ISM1: variants seen among roughly 807,000 people sequenced by gnomAD.
ISM1 encodes the protein isthmin-1.
ISM1 carries 25 observed loss-of-function variants against 46.3 expected under a neutral mutation model. That is an observed-to-expected ratio of 0.54 (90% CI 0.39 to 0.75). The LOEUF is 0.75. Among genes scored for constraint, ISM1 ranks in the 30% least tolerant of loss-of-function variants. The pLI is 0.00. For synonymous variants in ISM1, 255 were observed against 256.7 expected, an observed-to-expected ratio of 0.99 and a Z score of 0.06; for missense variants, 536 against 625.4, an observed-to-expected ratio of 0.86 and a Z score of 1.52.
In ISM1 at chr20:13,228,653, A is replaced by T. The variant is rs183451456; in HGVS notation, c.138+6739A>T. 8.2e-4 allele frequency among the ~76,000 whole-genome samples: 125 copies of T among 152,262 alleles called. 1 individual carries two copies. The highest frequency in any genetic ancestry group is 2.9e-3 in the African/African-American group (119 of 41,552). ...GCTTTAGCTGTTAGTCCTGTTCAGC[A>T]TATGGTGGACCCTTTCATTCTGAAG... On this transcript the variant is annotated intron_variant, in intron 1 of 5. Coordinates refer to ENST00000262487, the MANE Select transcript of ISM1 (RefSeq NM_080826.2).
chr20:13,314,910 G>C, the ISM1 span, among the ~76,000 whole-genome samples: 1 of 152,044 alleles, frequency 6.6e-6, no homozygotes, highest in Non-Finnish European at 1.5e-5. Context: ...GGAAGAATTA[G>C]AATTATTATA....
chr20:13,282,644 T>G (rs7265548), intron 3 of ISM1, among the ~76,000 whole-genome samples: 13,698 of 152,210 alleles, frequency 0.09, 2,016 homozygotes, highest in African/African-American at 0.3. Flanking sequence ...TCCTGTATTA[T>G]TTCAAAGTAC....
At chr20:13,273,343 T>G (rs1375533674) in intron 2 of ISM1, among the ~76,000 whole-genome samples, 1 of 151,970 alleles carries the variant, frequency 6.6e-6, no homozygotes, top group Non-Finnish European at 1.5e-5. Context: ...CAAGTGATCC[T>G]CCTACCTCAG....
chr20:13,303,947 A>T (rs2040479217), downstream of ISM1, among the ~76,000 whole-genome samples: 1 of 152,186 alleles, frequency 6.6e-6, no homozygotes. Flanking sequence ...AACCCAAAAA[A>T]ACTCTAAAGA....
intron 1 of ISM1, among the ~76,000 whole-genome samples, chr20:13,245,773 C>G (rs1423218100): frequency 1.3e-5 from 2 of 152,194 alleles, no homozygotes; most frequent in Non-Finnish European, 2.9e-5. Context: ...CTCCTCTGCT[C>G]ACAAACTTCC....
the ISM1 span, among the ~76,000 whole-genome samples, chr20:13,305,895 G>A: frequency 6.6e-6 from 1 of 152,322 alleles, no homozygotes; most frequent in African/African-American, 2.4e-5. Context: ...CCAGTGCCTT[G>A]CCTGTAATGG....
Position 13,299,649 on chromosome 20 carries a change from T to A in ISM1, c.*190T>A. The A allele has an allele frequency of 1.8e-6, 1 of 563,046 alleles. No individual in the cohort carries two copies. Among genetic ancestry groups the A allele is most frequent in the South Asian group, 3.0e-5 (1 of 33,806 alleles). 34.9% of individuals were successfully genotyped at this position (563,046 alleles called of 1,614,324 possible). A position where few individuals can be genotyped will look rare whatever the true frequency, so the allele number is the denominator to read the frequency against. On this transcript the variant is annotated 3_prime_UTR_variant, in exon 6 of 6. Transcript: ENST00000262487. The surrounding 1 kb of genome is among the most constrained non-coding windows in gnomAD (Gnocchi z 5.8). ...AGGGGACTGCCTTGTGAAGCCGCCC[T>A]CGCCATCTGCAGAGCTCCTTGAAAG...
chr20:13,284,530 A>C (rs2040270828), intron 3 of ISM1, among the ~76,000 whole-genome samples: 3 of 152,344 alleles, frequency 2.0e-5, no homozygotes, highest in African/African-American at 7.2e-5. Context: ...GTAGGTGAGC[A>C]ACTGAGAACA....
intron 1 of ISM1, among the ~76,000 whole-genome samples, chr20:13,248,075 G>A (rs1349885905): frequency 6.6e-6 from 1 of 152,178 alleles, no homozygotes; most frequent in African/African-American, 2.4e-5. Context: ...GTGGGTGATG[G>A]CAGCGTCCAA....
rs1331183129 is a variant in ISM1, at chr20:13,292,359, C to G, written c.788-15C>G. 9.0e-6 allele frequency: 14 copies of G among 1,554,750 alleles called. No individual in the cohort carries two copies. Among genetic ancestry groups the G allele is most frequent in the Middle Eastern group, 1.7e-4 (1 of 5,986 alleles). The stretch of plus-strand genomic sequence containing the variant: ...CCATGTAATGATGGAAAAATGAGCT[C>G]TTGTCTGTGTTTAGGAATTGAAGAC... On this transcript the variant is annotated splice_polypyrimidine_tract_variant and intron_variant, in intron 4 of 5. Coordinates refer to ENST00000262487, the MANE Select transcript of ISM1 (RefSeq NM_080826.2).
chr20:13,235,935 T>TTC (rs2039643748), intron 1 of ISM1, among the ~76,000 whole-genome samples: 1 of 151,620 alleles, frequency 6.6e-6, no homozygotes, highest in Admixed American at 6.6e-5. Flanking sequence ...CCCTTTTTTC[T>TTC]TTTTTTTGAA....
chr20:13,316,242 A>G, the ISM1 span, among the ~76,000 whole-genome samples: 1 of 151,984 alleles, frequency 6.6e-6, no homozygotes, highest in Non-Finnish European at 1.5e-5. Flanking sequence ...AATTCACACA[A>G]GAAGGAACAG....
chr20:13,228,186 T>C (rs941348643), intron 1 of ISM1, among the ~76,000 whole-genome samples: 30 of 151,936 alleles, frequency 2.0e-4, no homozygotes, highest in African/African-American at 6.8e-4. Context: ...TTGGCCAGGC[T>C]GGTCTCGAAC....
At chr20:13,264,674 T>G (rs374381358) in intron 1 of ISM1, among the ~76,000 whole-genome samples, 17 of 152,342 alleles carry the variant, frequency 1.1e-4, no homozygotes, top group African/African-American at 3.8e-4. Flanking sequence ...ACAGCCACGA[T>G]GAGCAACGCC....
the ISM1 span, among the ~76,000 whole-genome samples, chr20:13,317,255 A>G: frequency 6.6e-6 from 1 of 151,866 alleles, no homozygotes; most frequent in Admixed American, 6.6e-5. Flanking sequence ...CCAAAAAAAC[A>G]AAACAAAACA....
At chr20:13,311,184 A>G in the ISM1 span, among the ~76,000 whole-genome samples, 1 of 151,934 alleles carries the variant, frequency 6.6e-6, no homozygotes, top group Admixed American at 6.6e-5. Flanking sequence ...ACAAGAGTGA[A>G]ACTCCATCTC....
chr20:13,270,835 T>G (rs915109152), intron 2 of ISM1, 92 bp downstream of exon 2: 18 of 1,246,368 alleles, frequency 1.4e-5, no homozygotes, highest in Admixed American at 1.2e-4. Context: ...CTTACCTCAC[T>G]TTTCTTCTTA....
chr20:13,268,011 A>AG (rs548557547), intron 1 of ISM1, among the ~76,000 whole-genome samples: 1 of 152,234 alleles, frequency 6.6e-6, no homozygotes, highest in South Asian at 2.1e-4. Flanking sequence ...TTGGAGATTA[A>AG]GGGAAAAAAG....
At chr20:13,295,340 A>G (rs2040396624) in intron 5 of ISM1, among the ~76,000 whole-genome samples, 1 of 152,166 alleles carries the variant, frequency 6.6e-6, no homozygotes, top group East Asian at 1.9e-4. Context: ...ATGGCTCCCT[A>G]GTACCCGCTG....
Sources: gnomAD v4.1 joint callset for allele counts (sites outside exome capture counted in the v4.1 genomes callset) on GRCh38, gnomAD v4.1.1 for gene constraint, Gnocchi (gnomAD v3.1) non-coding constraint, MANE v1.5 for transcripts, NCBI Gene and HGNC (gene_info 2026-07-23, HGNC 2026-07-21) for gene names.